DEPDC1B: variants seen among roughly 807,000 people sequenced by gnomAD.
DEPDC1B encodes the protein DEP domain containing 1B, also known as DEP domain-containing protein 1B.
A neutral mutation model predicts 66.5 loss-of-function variants in DEPDC1B; 51 were observed. The observed-to-expected ratio is 0.77, with a 90% CI of 0.61 to 0.97. The LOEUF is 0.97. Ranked by LOEUF, DEPDC1B falls within the 50% of genes least tolerant of loss-of-function variation. The pLI, the probability that DEPDC1B is intolerant of heterozygous loss-of-function variation, is 0.00. For synonymous variants in DEPDC1B, 226 were observed against 223.6 expected (o/e 1.01, Z -0.10); for missense variants, 552 against 637.1 (o/e 0.87, Z 1.44).
intron 2 of DEPDC1B, among the ~76,000 whole-genome samples, chr5:60,664,201 C>T (rs1045492692): frequency 6.6e-6 from 1 of 152,142 alleles, no homozygotes; most frequent in African/African-American, 2.4e-5. Flanking sequence ...AGGAATAGCT[C>T]TAGGAGTCCT....
intron 7 of DEPDC1B, chr5:60,628,455 C>T (rs1752850318): frequency 6.6e-6 from 1 of 151,922 alleles, no homozygotes; most frequent in African/African-American, 2.4e-5. Flanking sequence ...AGAGAAGAAA[C>T]TCAGAAGAGT....
chr5:60,655,973 AAG>A (rs1753565584), intron 2 of DEPDC1B, among the ~76,000 whole-genome samples: 1 of 149,352 alleles, frequency 6.7e-6, no homozygotes, highest in South Asian at 2.2e-4. Flanking sequence ...CCTGTGGTCT[AAG>A]AGAGTACTTG....
At chr5:60,680,199 C>A (rs886340078) in intron 2 of DEPDC1B, among the ~76,000 whole-genome samples, 1 of 152,160 alleles carries the variant, frequency 6.6e-6, no homozygotes, top group Non-Finnish European at 1.5e-5. Flanking sequence ...CCATGAGCAC[C>A]ATTTAGTGAA....
chr5:60,610,743 T>C (rs188788683), intron 7 of DEPDC1B, among the ~76,000 whole-genome samples: 7 of 152,358 alleles, frequency 4.6e-5, no homozygotes, highest in African/African-American at 1.7e-4. Context: ...GTTATTACTC[T>C]GTGAGTCACT....
intron 2 of DEPDC1B, among the ~76,000 whole-genome samples, chr5:60,664,622 G>A (rs532754055): frequency 1.3e-3 from 195 of 152,238 alleles, no homozygotes; most frequent in African/African-American, 4.2e-3. Flanking sequence ...GGCTGATCCC[G>A]ACCTCAACTT....
intron 7 of DEPDC1B, among the ~76,000 whole-genome samples, chr5:60,607,419 G>A (rs1028645284): frequency 6.6e-6 from 1 of 151,874 alleles, no homozygotes; most frequent in Non-Finnish European, 1.5e-5. Flanking sequence ...ATCAAATCAT[G>A]GAAAGAAAAA....
intron 1 of DEPDC1B, among the ~76,000 whole-genome samples, chr5:60,699,383 C>A (rs1477169687): frequency 1.3e-4 from 4 of 30,156 alleles, no homozygotes; most frequent in African/African-American, 4.0e-4. Context: ...AAACTGTCAC[C>A]CTTTATTGTT....
intron 7 of DEPDC1B, among the ~76,000 whole-genome samples, chr5:60,619,533 T>C (rs1197712810): frequency 1.3e-5 from 2 of 152,128 alleles, no homozygotes; most frequent in African/African-American, 2.4e-5. Context: ...TGAACTCCCA[T>C]TCACAATTGC....
intron 7 of DEPDC1B, among the ~76,000 whole-genome samples, chr5:60,613,640 A>C (rs894426704): frequency 6.6e-6 from 1 of 152,220 alleles, no homozygotes; most frequent in Non-Finnish European, 1.5e-5. Context: ...ATTAAAATAT[A>C]ATAGCCATAA....
At chr5:60,614,401 T>C (rs931999715) in intron 7 of DEPDC1B, among the ~76,000 whole-genome samples, 1 of 152,212 alleles carries the variant, frequency 6.6e-6, no homozygotes, top group Non-Finnish European at 1.5e-5. Context: ...AGGGTCTTGC[T>C]TTATTGCCTG....
In DEPDC1B at chr5:60,638,840, C is replaced by CT. The variant is rs759947974; in HGVS notation, c.807dup (p.Asp270ArgfsTer4). ...TAATCAGCTATGGTTTTAAAGACAT[C>CT]TTTTTCAAATCCCAAGTACATAGGC... On this transcript the variant is annotated frameshift_variant, in exon 7 of 11. Coordinates refer to ENST00000265036, the MANE Select transcript of DEPDC1B (RefSeq NM_018369.3). LOFTEE classifies it high-confidence loss of function. 2 of 1,613,214 alleles carry CT rather than the reference C, an allele frequency of 1.2e-6. No individual in the cohort carries two copies. Among genetic ancestry groups the CT allele is most frequent in the Non-Finnish European group, 1.7e-6 (2 of 1,179,614 alleles).
intron 7 of DEPDC1B, among the ~76,000 whole-genome samples, chr5:60,617,519 CA>C (rs1395195615): frequency 2.6e-5 from 4 of 152,000 alleles, no homozygotes; most frequent in African/African-American, 9.7e-5. Context: ...TTTAAACCAA[CA>C]AAGGTCAAAA....
chr5:60,652,988 AT>A (rs1753490479), intron 2 of DEPDC1B, among the ~76,000 whole-genome samples: 1 of 148,940 alleles, frequency 6.7e-6, no homozygotes, highest in Admixed American at 6.6e-5. Flanking sequence ...TACACACCAT[AT>A]TTTCTTTATC....
At chr5:60,674,427 T>C (rs963941231) in intron 2 of DEPDC1B, among the ~76,000 whole-genome samples, 2 of 152,216 alleles carry the variant, frequency 1.3e-5, no homozygotes, top group Non-Finnish European at 2.9e-5. Flanking sequence ...AGTGATAACA[T>C]AACCCCAGAA....
intron 7 of DEPDC1B, among the ~76,000 whole-genome samples, chr5:60,612,723 A>G (rs1237963852): frequency 3.3e-5 from 5 of 149,546 alleles, no homozygotes. Context: ...AAAAAAAAAA[A>G]GGTCTTTGGA....
At chr5:60,671,655 C>T (rs1385466819) in intron 2 of DEPDC1B, among the ~76,000 whole-genome samples, 4 of 152,226 alleles carry the variant, frequency 2.6e-5, no homozygotes, top group Non-Finnish European at 4.4e-5. Flanking sequence ...TCCATTGCCT[C>T]CTGTTCCCTT....
At chr5:60,610,825 T>C (rs1317776044) in intron 7 of DEPDC1B, among the ~76,000 whole-genome samples, 1 of 152,230 alleles carries the variant, frequency 6.6e-6, no homozygotes, top group African/African-American at 2.4e-5. Flanking sequence ...TAGAATGTCC[T>C]ATACAACTCA....
intron 2 of DEPDC1B, among the ~76,000 whole-genome samples, chr5:60,653,663 C>A (rs1753508579): frequency 6.6e-6 from 1 of 152,070 alleles, no homozygotes; most frequent in South Asian, 2.1e-4. Context: ...CTTTTGGGTT[C>A]TTGGTCATGA....
intron 1 of DEPDC1B, 150 bp from the exon 2 acceptor site, chr5:60,687,377 C>T (rs1584104420): frequency 2.0e-6 from 2 of 1,024,698 alleles, no homozygotes; most frequent in Non-Finnish European, 2.8e-6. Flanking sequence ...TTACAGGCTT[C>T]AAACTCTAAT....
Sources: allele counts gnomAD v4.1 joint callset (sites outside exome capture counted in the v4.1 genomes callset), GRCh38; gene constraint gnomAD v4.1.1; transcripts MANE v1.5; gene names NCBI Gene and HGNC (gene_info 2026-07-23, HGNC 2026-07-21).